RPRD1A: variants seen among roughly 807,000 people sequenced by gnomAD.
RPRD1A encodes regulation of nuclear pre-mRNA domain-containing protein 1A.
A neutral mutation model predicts 37.8 loss-of-function variants in RPRD1A; 9 were observed. The ratio of observed to expected loss-of-function variants is 0.24; its 90% CI spans 0.14 to 0.42. The LOEUF is 0.42. Among genes scored for constraint, RPRD1A ranks in the 10% least tolerant of loss-of-function variants. The pLI, the probability that RPRD1A is intolerant of heterozygous loss-of-function variation, is 1.00. For missense variants in RPRD1A, 255 were observed against 371.0 expected, an observed-to-expected ratio of 0.69 and a Z score of 2.57; for synonymous variants, 138 against 139.7, an observed-to-expected ratio of 0.99 and a Z score of 0.08.
intron 1 of RPRD1A, among the ~76,000 whole-genome samples, chr18:36,065,861 TA>T (rs1344153098): frequency 1.3e-5 from 2 of 152,156 alleles, no homozygotes; most frequent in Admixed American, 6.5e-5. Flanking sequence ...GAAATGCCTA[TA>T]AACAGTACTG....
intron 1 of RPRD1A, among the ~76,000 whole-genome samples, chr18:36,062,199 C>T (rs994111983): frequency 1.9e-4 from 29 of 151,378 alleles, no homozygotes; most frequent in South Asian, 8.4e-4. Context: ...CGCCTGTAGT[C>T]CCAGCTACTC....
Position 36,030,921 on chromosome 18 carries a change from A to G in RPRD1A, c.389-16T>C. The G allele has an allele frequency of 6.2e-7, 1 of 1,603,966 alleles. No individual in the cohort carries two copies. Among genetic ancestry groups the G allele is most frequent in the Non-Finnish European group, 8.5e-7 (1 of 1,172,940 alleles). On this transcript the variant is annotated splice_polypyrimidine_tract_variant and intron_variant, in intron 3 of 6. Transcript: ENST00000399022. ...TTATCACCATCTGAAATGAAAGAAC[A>G]TTTAAGTATTAATGAAAGAATACAT...
chr18:36,067,550 C>T lies in RPRD1A; in HGVS notation c.-146G>A. Reference sequence around the variant, plus strand: ...CGCTTCATCCAAGACCGGCCGCAAACCAGCAAGATGGCGTCCGGCCGGCAG... The same window carrying T: ...CGCTTCATCCAAGACCGGCCGCAAATCAGCAAGATGGCGTCCGGCCGGCAG... On this transcript the variant is annotated 5_prime_UTR_variant, in exon 1 of 7. Coordinates refer to ENST00000399022, the MANE Select transcript of RPRD1A (RefSeq NM_018170.5). 3 of 759,348 alleles carry T rather than the reference C, an allele frequency of 4.0e-6. No homozygotes were observed. In the South Asian group the frequency reaches 6.1e-5, roughly 16 times the overall value. 47.0% of individuals were successfully genotyped at this position (759,348 alleles called of 1,614,324 possible). A position where few individuals can be genotyped will look rare whatever the true frequency, so the allele number is the denominator to read the frequency against.
chr18:36,009,974 A>G (rs983273935), intron 6 of RPRD1A, among the ~76,000 whole-genome samples: 3 of 152,028 alleles, frequency 2.0e-5, no homozygotes, highest in African/African-American at 7.3e-5. Flanking sequence ...CTCTCCCTTC[A>G]TTATATCTAT....
At chr18:36,013,641 T>C (rs1403363960) in intron 6 of RPRD1A, among the ~76,000 whole-genome samples, 2 of 152,202 alleles carry the variant, frequency 1.3e-5, no homozygotes, top group African/African-American at 4.8e-5. Flanking sequence ...CTCTCAGACA[T>C]GCAAAGACCT....
At chr18:36,043,613 A>G (rs1338897045) in intron 1 of RPRD1A, among the ~76,000 whole-genome samples, 2 of 152,230 alleles carry the variant, frequency 1.3e-5, no homozygotes, top group Admixed American at 1.3e-4. Flanking sequence ...TGGAACAGTT[A>G]TGGAAGAATA....
At chr18:36,056,183 G>A (rs1314660949) in intron 1 of RPRD1A, among the ~76,000 whole-genome samples, 1 of 152,032 alleles carries the variant, frequency 6.6e-6, no homozygotes, top group Admixed American at 6.6e-5. Flanking sequence ...TTAAAATGAA[G>A]CAATGCCATT....
In RPRD1A at chr18:35,991,027, T is replaced by C. The variant is rs1297306618; in HGVS notation, c.*2124A>G. On this transcript the variant is annotated 3_prime_UTR_variant, in exon 7 of 7. Coordinates refer to ENST00000399022, the MANE Select transcript of RPRD1A (RefSeq NM_018170.5). ...AAATAATGCATTTTTATCATAAATA[T>C]TTAGAGCAGATACTGGCATTAAAAT... The C allele has an allele frequency of 6.6e-5, 10 of 152,190 alleles. No individual in the cohort carries two copies. Among genetic ancestry groups the C allele is most frequent in the African/African-American group, 2.4e-4 (10 of 41,442 alleles). 9.4% of individuals were successfully genotyped at this position (152,190 alleles called of 1,614,324 possible).
chr18:36,015,163 TACACATATATACAC>T (rs1401842511), intron 6 of RPRD1A, among the ~76,000 whole-genome samples: 4 of 98,578 alleles, frequency 4.1e-5, no homozygotes, highest in East Asian at 3.0e-4. Context: ...CACACATATA[TACACATATATACAC>T]ACACACACAC....
intron 1 of RPRD1A, among the ~76,000 whole-genome samples, chr18:36,059,402 T>C (rs1452804292): frequency 6.6e-6 from 1 of 152,160 alleles, no homozygotes; most frequent in Non-Finnish European, 1.5e-5. Flanking sequence ...TCTCCCAAAG[T>C]GCTGGGATTA....
chr18:35,995,148 T>C (rs1908952028), intron 6 of RPRD1A, among the ~76,000 whole-genome samples: 2 of 152,160 alleles, frequency 1.3e-5, no homozygotes, highest in African/African-American at 2.4e-5. Context: ...TCCCACTTTT[T>C]TCTTATGAAA....
intron 2 of RPRD1A, 85 bp from the exon 3 acceptor site, chr18:36,031,182 T>G: frequency 7.2e-7 from 1 of 1,394,226 alleles, no homozygotes. Context: ...TAACTTTAAA[T>G]ATAATCAGAC....
rs190887444 is a variant in RPRD1A at position 36,025,544 on chromosome 18, G to A, written c.789+1356C>T. On this transcript the variant is annotated intron_variant, in intron 6 of 6. Coordinates refer to ENST00000399022, the MANE Select transcript of RPRD1A (RefSeq NM_018170.5). ...ATCATAAGTGAGAAAGTATAAAGCA[G>A]AATAAAGTTACAGTCTTCTCTTCAA... 12 of 860,244 alleles carry A rather than the reference G, an allele frequency of 1.4e-5. No homozygotes were observed. In the African/African-American group the frequency reaches 2.0e-4, roughly 14 times the overall value. The allele number at this position is 860,244 out of a possible 1,614,324, so 53.3% of individuals were successfully genotyped here. A position where few individuals can be genotyped will look rare whatever the true frequency, so the allele number is the denominator to read the frequency against.
At chr18:36,061,961 G>A (rs2088919614) in intron 1 of RPRD1A, among the ~76,000 whole-genome samples, 1 of 152,164 alleles carries the variant, frequency 6.6e-6, no homozygotes, top group Admixed American at 6.5e-5. Context: ...TAATCAAAAA[G>A]ATAACAAATA....
chr18:36,017,508 C>T (rs1053602173), intron 6 of RPRD1A, among the ~76,000 whole-genome samples: 1 of 152,198 alleles, frequency 6.6e-6, no homozygotes, highest in Non-Finnish European at 1.5e-5. Flanking sequence ...CTCTACTGGG[C>T]CTGACATTCA....
chr18:36,004,379 C>A (rs1036408826), intron 6 of RPRD1A, among the ~76,000 whole-genome samples: 2 of 152,014 alleles, frequency 1.3e-5, no homozygotes, highest in Non-Finnish European at 2.9e-5. Context: ...CTCTGCCTCC[C>A]GAGTAGCTAG....
At chr18:36,047,687 C>G (rs1913056594) in intron 1 of RPRD1A, among the ~76,000 whole-genome samples, 1 of 152,122 alleles carries the variant, frequency 6.6e-6, no homozygotes, top group African/African-American at 2.4e-5. Flanking sequence ...AAAGGAAATA[C>G]TATGAACAAC....
At chr18:36,035,682 G>T (rs1274284634) in intron 1 of RPRD1A, among the ~76,000 whole-genome samples, 1 of 152,178 alleles carries the variant, frequency 6.6e-6, no homozygotes, top group Admixed American at 6.5e-5. Context: ...ATAGCCAAGA[G>T]TTAAGAGCAA....
intron 1 of RPRD1A, among the ~76,000 whole-genome samples, chr18:36,046,233 T>C (rs1912942633): frequency 6.6e-6 from 1 of 152,070 alleles, no homozygotes; most frequent in South Asian, 2.1e-4. Context: ...CACAGTACTG[T>C]AATGAGCCCA....
Sources: gnomAD v4.1 joint callset for allele counts (sites outside exome capture counted in the v4.1 genomes callset) on GRCh38, gnomAD v4.1.1 for gene constraint, MANE v1.5 for transcripts, NCBI Gene and HGNC (gene_info 2026-07-23, HGNC 2026-07-21) for gene names.